The following SPCS2 variants were observed in gnomAD, a reference collection of about 807,000 sequenced individuals.
SPCS2 encodes the protein SPase 25 kDa subunit.
A neutral mutation model predicts 22.3 loss-of-function variants in SPCS2; 3 were observed. The ratio of observed to expected loss-of-function variants is 0.13; its 90% confidence interval spans 0.06 to 0.35. SPCS2 has a LOEUF of 0.35. Among genes scored for constraint, SPCS2 ranks in the 10% least tolerant of loss-of-function variants. The pLI is 1.00. For synonymous variants in SPCS2, 67 were observed against 97.2 expected (o/e 0.69, Z 1.83); for missense variants, 169 against 280.9 (o/e 0.60, Z 2.85).
intron 1 of SPCS2, 42 bp downstream of exon 1, chr11:74,949,441 C>A: frequency 6.6e-7 from 1 of 1,523,326 alleles, no homozygotes; most frequent in Non-Finnish European, 8.9e-7. Context: ...CCTGGGGAGG[C>A]CTGGGAGGCG....
At chr11:74,964,624 A>C (rs1317970035) in intron 1 of SPCS2, among the ~76,000 whole-genome samples, 1 of 152,210 alleles carries the variant, frequency 6.6e-6, no homozygotes, top group Non-Finnish European at 1.5e-5. Context: ...GAACAAATAG[A>C]GTAATTTTCT....
intron 4 of SPCS2, among the ~76,000 whole-genome samples, chr11:74,970,336 A>G (rs1451645340): frequency 6.6e-6 from 1 of 152,202 alleles, no homozygotes; most frequent in Non-Finnish European, 1.5e-5. Flanking sequence ...TTTATTGAAC[A>G]TTTACTGTAT....
rs1178623669 is a variant in SPCS2 at position 74,977,670 on chromosome 11, T to C, written c.*627T>C. 6.6e-6 allele frequency: 1 copy of C among 152,666 alleles called. No homozygotes were observed. The highest frequency in any genetic ancestry group is 1.5e-5 in the Non-Finnish European group (1 of 68,046). 9.5% of individuals were successfully genotyped at this position (152,666 alleles called of 1,614,324 possible). A position where few individuals can be genotyped will look rare whatever the true frequency, so the allele number is the denominator to read the frequency against. On this transcript the variant is annotated 3_prime_UTR_variant, in exon 5 of 5. Transcript: ENST00000263672. The stretch of plus-strand genomic sequence containing the variant: ...TTTCCACTAGTATATCCCTGTTGAT[T>C]TGTTTGTGCCTTTTATTAACTGCCA...
chr11:74,954,067 C>A (rs551277128), intron 1 of SPCS2, among the ~76,000 whole-genome samples: 1 of 152,192 alleles, frequency 6.6e-6, no homozygotes. Flanking sequence ...TCACATGTCT[C>A]TATTACCTCT....
At chr11:74,964,017 A>C (rs1277489905) in intron 1 of SPCS2, among the ~76,000 whole-genome samples, 1 of 152,224 alleles carries the variant, frequency 6.6e-6, no homozygotes, top group Non-Finnish European at 1.5e-5. Context: ...TGGTTAAAAA[A>C]TTTTAAAGGC....
chr11:74,949,813 T>C (rs1674364534), intron 1 of SPCS2, among the ~76,000 whole-genome samples: 2 of 152,220 alleles, frequency 1.3e-5, no homozygotes, highest in South Asian at 4.1e-4. Flanking sequence ...TGCGTGCTGC[T>C]ACAGATTCCA....
At chr11:74,949,735 G>A (rs1159455909) in intron 1 of SPCS2, 1 of 448,140 alleles carries the variant, frequency 2.2e-6, no homozygotes, top group Non-Finnish European at 4.5e-6. Context: ...CCATTTCACA[G>A]ACACGGAAAA....
At chr11:74,975,489 T>C (rs1158763274) in intron 4 of SPCS2, among the ~76,000 whole-genome samples, 1 of 152,182 alleles carries the variant, frequency 6.6e-6, no homozygotes, top group Non-Finnish European at 1.5e-5. Context: ...TCAGTAAATA[T>C]CTGAATTAAT....
intron 3 of SPCS2, among the ~76,000 whole-genome samples, chr11:74,967,705 G>A (rs1456190004): frequency 6.6e-6 from 1 of 152,158 alleles, no homozygotes; most frequent in Non-Finnish European, 1.5e-5. Context: ...GCCGAGATCT[G>A]CTACTGCACT....
At chr11:74,961,610 C>T (rs536279088) in intron 1 of SPCS2, among the ~76,000 whole-genome samples, 6 of 142,530 alleles carry the variant, frequency 4.2e-5, no homozygotes, top group South Asian at 2.1e-4. Context: ...GGCACCATCT[C>T]GGCTCACTGC....
intron 1 of SPCS2, among the ~76,000 whole-genome samples, chr11:74,963,334 A>G (rs886316453): frequency 2.0e-5 from 3 of 151,750 alleles, no homozygotes; most frequent in African/African-American, 7.3e-5. Flanking sequence ...CCAAGGGGGA[A>G]AAAAAACTTG....
intron 1 of SPCS2, among the ~76,000 whole-genome samples, chr11:74,963,047 A>G (rs1443312381): frequency 1.3e-5 from 2 of 152,242 alleles, no homozygotes; most frequent in Non-Finnish European, 2.9e-5. Flanking sequence ...TAATTTTTAA[A>G]TGACTTTATT....
intron 3 of SPCS2, among the ~76,000 whole-genome samples, chr11:74,968,652 T>C (rs1012234685): frequency 3.3e-5 from 5 of 151,864 alleles, no homozygotes; most frequent in African/African-American, 1.2e-4. Flanking sequence ...GCCTCCTGAG[T>C]AGCAGGACTA....
intron 1 of SPCS2, among the ~76,000 whole-genome samples, chr11:74,950,171 A>G (rs1002902094): frequency 6.6e-6 from 1 of 152,222 alleles, no homozygotes; most frequent in Admixed American, 6.5e-5. Flanking sequence ...CTTGGAAGAA[A>G]CAGTTGCACG....
At chr11:74,960,689 T>TCCTG (rs1948509033) in intron 1 of SPCS2, among the ~76,000 whole-genome samples, 1 of 152,102 alleles carries the variant, frequency 6.6e-6, no homozygotes. Context: ...GGGTTTTGAG[T>TCCTG]CCTGGCTTTA....
intron 1 of SPCS2, among the ~76,000 whole-genome samples, chr11:74,953,288 G>T (rs897906853): frequency 6.6e-6 from 1 of 151,796 alleles, no homozygotes; most frequent in Non-Finnish European, 1.5e-5. Context: ...CGCCTCCCAG[G>T]TTCAAACAAT....
intron 1 of SPCS2, among the ~76,000 whole-genome samples, chr11:74,962,751 G>C (rs1948521558): frequency 6.6e-6 from 1 of 152,214 alleles, no homozygotes; most frequent in African/African-American, 2.4e-5. Context: ...GAAATGGGCT[G>C]TGTTGCCGTA....
intron 1 of SPCS2, among the ~76,000 whole-genome samples, chr11:74,950,265 C>T (rs550796608): frequency 8.5e-5 from 13 of 152,184 alleles, no homozygotes; most frequent in Non-Finnish European, 1.5e-4. Context: ...TCTGTTTTCT[C>T]ATCTGCAAAG....
At chr11:74,964,187 C>T (rs1380630349) in intron 1 of SPCS2, among the ~76,000 whole-genome samples, 3 of 152,188 alleles carry the variant, frequency 2.0e-5, no homozygotes, top group African/African-American at 7.2e-5. Context: ...CCTTGTATTT[C>T]ATTTCACATG....
Sources: allele counts gnomAD v4.1 joint callset (sites outside exome capture counted in the v4.1 genomes callset), GRCh38; gene constraint gnomAD v4.1.1; transcripts MANE v1.5; gene names NCBI Gene and HGNC (gene_info 2026-07-23, HGNC 2026-07-21).